FANCL: variants seen among roughly 807,000 people sequenced by gnomAD.
The protein encoded by FANCL is FA complementation group L, also known as E3 ubiquitin-protein ligase FANCL.
FANCL carries 69 observed loss-of-function variants against 59.4 expected under a neutral mutation model. The observed-to-expected ratio is 1.16, with a 90% CI of 0.96 to 1.42. The LOEUF is 1.42. Among genes scored for constraint, FANCL ranks in the 40% most tolerant of loss-of-function variants. The pLI, the probability that FANCL is intolerant of heterozygous loss-of-function variation, is 0.00. For missense variants in FANCL, 519 were observed against 447.2 expected, an observed-to-expected ratio of 1.16 and a Z score of -1.45; for synonymous variants, 180 against 147.1, an observed-to-expected ratio of 1.22 and a Z score of -1.62.
intron 1 of FANCL, among the ~76,000 whole-genome samples, chr2:58,237,262 C>G (rs929892435): frequency 6.6e-6 from 1 of 152,106 alleles, no homozygotes; most frequent in East Asian, 1.9e-4. Flanking sequence ...AAATTTAAAT[C>G]ATACAAGTTA....
In FANCL at chr2:58,205,978, T is replaced by G. The variant is rs930258765; in HGVS notation, c.375-1752A>C. On this transcript the variant is annotated intron_variant, in intron 5 of 13. Transcript: ENST00000233741. The stretch of plus-strand genomic sequence containing the variant: ...ATTAAACTGTTACTAGTTACAATTT[T>G]TAGAATCCAAGAATACGCAATGCTA... Among the ~76,000 whole-genome samples, 4 of 152,146 alleles carry G rather than the reference T, an allele frequency of 2.6e-5. No individual in the cohort carries two copies. In the East Asian group the frequency reaches 5.8e-4, roughly 22 times the overall value.
intron 7 of FANCL, among the ~76,000 whole-genome samples, chr2:58,168,895 C>A (rs1330058162): frequency 6.6e-6 from 1 of 152,186 alleles, no homozygotes; most frequent in Non-Finnish European, 1.5e-5. Flanking sequence ...GACTGCCTCA[C>A]CAGATTCCTC....
intron 7 of FANCL, among the ~76,000 whole-genome samples, chr2:58,181,313 G>A (rs898554895): frequency 6.6e-6 from 1 of 152,014 alleles, no homozygotes; most frequent in African/African-American, 2.4e-5. Context: ...AGTACATACT[G>A]TATGCCTCTG....
chr2:58,160,246 A>C (rs2104770370), intron 12 of FANCL, 67 bp from the exon 13 acceptor site: 21 of 1,492,400 alleles, frequency 1.4e-5, no homozygotes, highest in East Asian at 2.3e-5. Flanking sequence ...TCCAAATGTC[A>C]TTCCCTTTGT....
intron 5 of FANCL, among the ~76,000 whole-genome samples, chr2:58,218,263 C>G (rs1306967244): frequency 1.3e-5 from 2 of 151,674 alleles, no homozygotes; most frequent in East Asian, 3.9e-4. Flanking sequence ...CAACAAATTA[C>G]AAAGGAAGCA....
intron 1 of FANCL, among the ~76,000 whole-genome samples, chr2:58,237,766 T>C (rs1041926446): frequency 6.6e-6 from 1 of 152,210 alleles, no homozygotes; most frequent in Non-Finnish European, 1.5e-5. Context: ...CTCCTACCTC[T>C]AGGAGTTGGT....
intron 7 of FANCL, among the ~76,000 whole-genome samples, chr2:58,171,976 C>T (rs1205748596): frequency 6.6e-6 from 1 of 152,232 alleles, no homozygotes; most frequent in Non-Finnish European, 1.5e-5. Context: ...GAGTCCTACG[C>T]CCACGGAGCC....
chr2:58,207,717 A>G (rs1315306073), intron 5 of FANCL, among the ~76,000 whole-genome samples: 2 of 152,176 alleles, frequency 1.3e-5, no homozygotes, highest in Non-Finnish European at 2.9e-5. Flanking sequence ...TAAAGGAAAA[A>G]AAGAGTGATA....
chr2:58,231,977 G>C, intron 2 of FANCL, 77 bp downstream of exon 2: 1 of 1,227,990 alleles, frequency 8.1e-7, no homozygotes, highest in Non-Finnish European at 1.2e-6. Flanking sequence ...CTAGTCACTA[G>C]AATCAATTTA....
chr2:58,204,935 T>C (rs1245786370), intron 5 of FANCL, among the ~76,000 whole-genome samples: 1 of 152,106 alleles, frequency 6.6e-6, no homozygotes, highest in East Asian at 1.9e-4. Context: ...TTGAAATATA[T>C]AATTCTGTAA....
chr2:58,216,970 T>C (rs989695103), intron 5 of FANCL, among the ~76,000 whole-genome samples: 4 of 150,822 alleles, frequency 2.7e-5, no homozygotes, highest in Admixed American at 1.3e-4. Flanking sequence ...TAAATATTTT[T>C]AAAAAATTAT....
At chr2:58,159,938 A>T in intron 13 of FANCL, 138 bp from the exon 14 acceptor site, 6 of 1,527,470 alleles carry the variant, frequency 3.9e-6, no homozygotes, top group East Asian at 2.4e-5. Context: ...TCACCTAGGA[A>T]ATCTAGAAAA....
At chr2:58,200,643 C>T (rs1422494221) in intron 6 of FANCL, among the ~76,000 whole-genome samples, 2 of 151,762 alleles carry the variant, frequency 1.3e-5, no homozygotes, top group Admixed American at 6.6e-5. Context: ...TAAGTACATA[C>T]ACAGCTCATT....
chr2:58,233,713 A>C (rs1415725032), intron 1 of FANCL, among the ~76,000 whole-genome samples: 1 of 151,994 alleles, frequency 6.6e-6, no homozygotes, highest in Non-Finnish European at 1.5e-5. Context: ...TGCATGGGAG[A>C]GAGACTGGGA....
At chr2:58,222,831 G>T (rs182610168) in intron 4 of FANCL, among the ~76,000 whole-genome samples, 18 of 151,546 alleles carry the variant, frequency 1.2e-4, no homozygotes, top group African/African-American at 4.1e-4. Flanking sequence ...AGTATCAAAC[G>T]GTATTACAAA....
chr2:58,176,694 T>C (rs868195672), intron 7 of FANCL, among the ~76,000 whole-genome samples: 21 of 152,022 alleles, frequency 1.4e-4, no homozygotes, highest in Middle Eastern at 3.4e-3. Flanking sequence ...AAAACCTAGG[T>C]ATTACCATTC....
At chr2:58,186,745 G>A (rs1304764267) in intron 7 of FANCL, among the ~76,000 whole-genome samples, 1 of 152,038 alleles carries the variant, frequency 6.6e-6, no homozygotes, top group Non-Finnish European at 1.5e-5. Flanking sequence ...AAAATCCCTG[G>A]GGCAAAAAGA....
chr2:58,163,107 C>T (rs1166316420), intron 9 of FANCL, 33 bp from the exon 10 acceptor site: 4 of 1,552,544 alleles, frequency 2.6e-6, no homozygotes, highest in Non-Finnish European at 1.8e-6. Flanking sequence ...TTAATAATTG[C>T]ATGCTCTACT....
intron 7 of FANCL, among the ~76,000 whole-genome samples, chr2:58,177,584 G>A (rs1687470549): frequency 7.6e-6 from 1 of 132,014 alleles, no homozygotes; most frequent in Admixed American, 9.2e-5. Flanking sequence ...TGAACAATGA[G>A]AACACATGGA....
Sources: gnomAD v4.1 joint callset for allele counts (sites outside exome capture counted in the v4.1 genomes callset) on GRCh38, gnomAD v4.1.1 for gene constraint, MANE v1.5 for transcripts, NCBI Gene and HGNC (gene_info 2026-07-23, HGNC 2026-07-21) for gene names.